The following MICAL2 variants were observed in gnomAD, a reference collection of about 807,000 sequenced individuals.
MICAL2 encodes [F-actin]-monooxygenase MICAL2.
Under a neutral mutation model 127.3 loss-of-function variants are expected in MICAL2, and 77 were observed. The ratio of observed to expected loss-of-function variants is 0.60; its 90% CI spans 0.50 to 0.73. The LOEUF is 0.73. Ranked by LOEUF, MICAL2 falls within the 30% of genes least tolerant of loss-of-function variation. The pLI, the probability that MICAL2 is intolerant of heterozygous loss-of-function variation, is 0.00. For synonymous variants in MICAL2, 570 were observed against 551.1 expected, an observed-to-expected ratio of 1.03 and a Z score of -0.48; for missense variants, 1,351 against 1,434.4, an observed-to-expected ratio of 0.94 and a Z score of 0.94.
chr11:12,260,490 A>G (rs777838033), intron 26 of MICAL2: 192 of 1,084,348 alleles, frequency 1.8e-4, no homozygotes, highest in Non-Finnish European at 2.1e-4. Flanking sequence ...TTTTCTAAAC[A>G]TGGGTTTGAA....
chr11:12,201,920 A>G (rs972933224), intron 3 of MICAL2, among the ~76,000 whole-genome samples: 2 of 152,196 alleles, frequency 1.3e-5, no homozygotes, highest in African/African-American at 4.8e-5. Context: ...GGAGTTCAAG[A>G]CCAGCCTGAC....
chr11:12,124,015 G>A (rs1378088716), intron 1 of MICAL2, among the ~76,000 whole-genome samples: 5 of 152,162 alleles, frequency 3.3e-5, no homozygotes, highest in African/African-American at 9.7e-5. Flanking sequence ...CATCACAGAC[G>A]TTACTGCTGA....
At chr11:12,177,289 A>C (rs1401062836) in intron 3 of MICAL2, among the ~76,000 whole-genome samples, 1 of 152,164 alleles carries the variant, frequency 6.6e-6, no homozygotes, top group Admixed American at 6.5e-5. Context: ...TCCACTCATA[A>C]GTCTTCTTTA....
At chr11:12,182,163 GT>G (rs780916597) in intron 3 of MICAL2, among the ~76,000 whole-genome samples, 3 of 152,176 alleles carry the variant, frequency 2.0e-5, no homozygotes, top group Non-Finnish European at 4.4e-5. Flanking sequence ...ATCTGTTAAT[GT>G]TTTGTTTTAT....
chr11:12,296,180 G>A (rs551265499), downstream of MICAL2, among the ~76,000 whole-genome samples: 33 of 151,846 alleles, frequency 2.2e-4, no homozygotes, highest in Middle Eastern at 0.014. Flanking sequence ...CTTTTTTGTC[G>A]TTGATACTTG....
chr11:12,157,504 A>C (rs1383117820), intron 2 of MICAL2, among the ~76,000 whole-genome samples: 1 of 152,160 alleles, frequency 6.6e-6, no homozygotes, highest in Non-Finnish European at 1.5e-5. Flanking sequence ...ACTTGGCAAA[A>C]ACCAAATTGC....
At chr11:12,341,696 G>A (rs376610023) in intron 32 of MICAL2, among the ~76,000 whole-genome samples, 215 of 152,156 alleles carry the variant, frequency 1.4e-3, no homozygotes, top group African/African-American at 4.7e-3. Context: ...GCATGGTGGC[G>A]CATGCCTGTA....
chr11:12,210,692 C>T (rs1296501652), intron 6 of MICAL2, among the ~76,000 whole-genome samples: 1 of 152,198 alleles, frequency 6.6e-6, no homozygotes, highest in Admixed American at 6.5e-5. Flanking sequence ...ATCCAGGACC[C>T]ATTTTCAGCT....
chr11:12,115,279 G>A (rs560359106), intron 1 of MICAL2, among the ~76,000 whole-genome samples: 1 of 152,296 alleles, frequency 6.6e-6, no homozygotes, highest in East Asian at 1.9e-4. Context: ...AGGAGGGCAG[G>A]AGAAGATGTA....
chr11:12,215,973 C>T (rs1050468053), intron 7 of MICAL2, among the ~76,000 whole-genome samples: 1 of 152,178 alleles, frequency 6.6e-6, no homozygotes, highest in African/African-American at 2.4e-5. Flanking sequence ...GGCCCACAAC[C>T]CCTACAGACG....
intron 29 of MICAL2, among the ~76,000 whole-genome samples, chr11:12,304,622 C>T (rs1022691655): frequency 4.3e-4 from 61 of 143,312 alleles, no homozygotes; most frequent in African/African-American, 6.5e-4. Flanking sequence ...GCAACAAGAG[C>T]GAAACTCTGT....
Position 12,256,793 on chromosome 11 carries a change from G to A in MICAL2, c.2964G>A (p.Met988Ile), listed in dbSNP as rs768847328. The change falls in exon 24 of 28, where the codon ATG (methionine) becomes ATA (isoleucine). Residue 988 changes from methionine (M) to isoleucine (I), a missense_variant. Met to Ile is a conservative substitution (Grantham distance 10). Coordinates refer to ENST00000683283, the MANE Select transcript of MICAL2 (RefSeq NM_001282663.2). ...AQATSPDLES[M>I]RKSFPLNLGG... ...TCTCTCCCGATCCCCAGGAATCTATGCGAAAGTCATTTCCCCTTAACCTGG... is the reference window on the plus strand; with the variant it reads ...TCTCTCCCGATCCCCAGGAATCTATACGAAAGTCATTTCCCCTTAACCTGG... 1.1e-5 allele frequency: 17 copies of A among 1,611,382 alleles called. No individual in the cohort carries two copies. The highest frequency in any genetic ancestry group is 1.4e-5 in the Non-Finnish European group (16 of 1,178,358).
chr11:12,223,917 G>A (rs941951929), intron 12 of MICAL2, among the ~76,000 whole-genome samples: 3 of 152,144 alleles, frequency 2.0e-5, no homozygotes, highest in Non-Finnish European at 4.4e-5. Flanking sequence ...GCTCAACACA[G>A]GGAGATGGGA....
intron 32 of MICAL2, among the ~76,000 whole-genome samples, chr11:12,346,837 C>T (rs1467889103): frequency 6.6e-6 from 1 of 152,154 alleles, no homozygotes; most frequent in African/African-American, 2.4e-5. Flanking sequence ...AATTTGGTTG[C>T]TCATACATTC....
At chr11:12,275,124 G>A (rs1012670355), upstream of MICAL2, among the ~76,000 whole-genome samples, 5 of 152,204 alleles carry the variant, frequency 3.3e-5, no homozygotes, top group East Asian at 1.9e-4. Context: ...AGATGCTGGC[G>A]AGGTGTTGGC....
intron 1 of MICAL2, among the ~76,000 whole-genome samples, chr11:12,125,920 G>A (rs973340160): frequency 9.9e-5 from 15 of 152,094 alleles, no homozygotes; most frequent in Admixed American, 9.2e-4. Flanking sequence ...ATTGGCTAAT[G>A]TGAACTGGTG....
chr11:12,222,602 T>A lies in MICAL2; in HGVS notation c.1323-15T>A. On this transcript the variant is annotated splice_polypyrimidine_tract_variant and intron_variant, in intron 10 of 27. Transcript: ENST00000683283. ...CAAAAGTGATCCCTGACCTCCAGGC[T>A]CCGCCTCCCTCCAGGGAAAGTCTCT... The A allele has an allele frequency of 6.2e-7, 1 of 1,614,162 alleles. No homozygotes were observed. The highest frequency in any genetic ancestry group is 8.5e-7 in the Non-Finnish European group (1 of 1,180,022).
chr11:12,218,197 C>T (rs1856418285), intron 8 of MICAL2, among the ~76,000 whole-genome samples: 1 of 152,248 alleles, frequency 6.6e-6, no homozygotes, highest in African/African-American at 2.4e-5. Flanking sequence ...AGCCGTGCCT[C>T]TGGGCTCTCA....
downstream of MICAL2, among the ~76,000 whole-genome samples, chr11:12,360,927 T>C (rs1289092781): frequency 6.6e-6 from 1 of 151,858 alleles, no homozygotes; most frequent in Non-Finnish European, 1.5e-5. Context: ...TCTGTTGAAC[T>C]ATCTAAAATG....
Sources: gnomAD v4.1 joint callset for allele counts (sites outside exome capture counted in the v4.1 genomes callset) on GRCh38, gnomAD v4.1.1 for gene constraint, MANE v1.5 for transcripts, NCBI Gene and HGNC (gene_info 2026-07-23, HGNC 2026-07-21) for gene names.